ADAP1: variants seen among roughly 807,000 people sequenced by gnomAD.
ADAP1 encodes the protein ArfGAP with dual PH domains 1, also known as arf-GAP with dual PH domain-containing protein 1.
A neutral mutation model predicts 54.9 loss-of-function variants in ADAP1; 31 were observed. That is an observed-to-expected ratio of 0.56 (90% CI 0.42 to 0.76). ADAP1 has a LOEUF of 0.76. Ranked by LOEUF, ADAP1 falls within the 30% of genes least tolerant of loss-of-function variation. ADAP1 has a pLI of 0.00. For synonymous variants in ADAP1, 313 were observed against 202.6 expected (o/e 1.55, Z -4.63); for missense variants, 535 against 512.4 (o/e 1.04, Z -0.42).
At chr7:900,436 C>T in intron 7 of ADAP1, 97 bp downstream of exon 7, 4 of 1,336,292 alleles carry the variant, frequency 3.0e-6, no homozygotes, top group Admixed American at 2.0e-5. Flanking sequence ...CACCCTAGGG[C>T]TCAACATCAT....
rs142999551 is a variant in ADAP1, at chr7:898,843, G to A, written c.*78C>T. On this transcript the variant is annotated 3_prime_UTR_variant, in exon 11 of 11. Transcript: ENST00000265846. ...AGGTGGGGCCAGGTGGCCTCAGGACGCCAGAGCCCCCCCATCCACGGGTCC... is the reference window on the plus strand; with the variant it reads ...AGGTGGGGCCAGGTGGCCTCAGGACACCAGAGCCCCCCCATCCACGGGTCC... 178 of 1,540,908 alleles carry A rather than the reference G, an allele frequency of 1.2e-4. 1 individual carries two copies. The highest frequency in any genetic ancestry group is 5.0e-4 in the Middle Eastern group (3 of 5,978).
At chr7:932,315 C>T (rs1284826221) in intron 2 of ADAP1, among the ~76,000 whole-genome samples, 1 of 152,214 alleles carries the variant, frequency 6.6e-6, no homozygotes, top group African/African-American at 2.4e-5. Flanking sequence ...CAGATCAGGA[C>T]AGCACCAAGT....
At chr7:936,443 C>T (rs1267295936) in intron 1 of ADAP1, among the ~76,000 whole-genome samples, 5 of 152,208 alleles carry the variant, frequency 3.3e-5, no homozygotes, top group African/African-American at 1.2e-4. Flanking sequence ...TCCACCTGCT[C>T]GGCCTCCCAA....
chr7:901,906 G>A (rs929606612), intron 6 of ADAP1, among the ~76,000 whole-genome samples: 4 of 152,058 alleles, frequency 2.6e-5, no homozygotes, highest in African/African-American at 7.2e-5. Context: ...AATGCAGGGG[G>A]CTCTAAGCAG....
At position 926,663 on chromosome 7, in the gene ADAP1, C is replaced by T. The variant is rs374067245; in HGVS notation, c.214-19G>A. 3.4e-4 allele frequency: 527 copies of T among 1,533,780 alleles called. 6 individuals are homozygous for T. The South Asian group carries it at 4.4e-3, about 13-fold the overall frequency. On this transcript the variant is annotated intron_variant, in intron 2 of 10. Coordinates refer to ENST00000265846, the MANE Select transcript of ADAP1 (RefSeq NM_006869.4). This position sits in a 1 kb window ranked among gnomAD's most constrained non-coding sequence, Gnocchi z 4.6. ...CCATGAACTGCAAGAGAGGAGGGGC[C>T]GGGTCAGAGGCCTGGGGTCCCAGGG...
Position 926,516 on chromosome 7 carries a change from C to G in ADAP1, c.305+37G>C, listed in dbSNP as rs547878924. 6.7e-7 allele frequency: 1 copy of G among 1,500,418 alleles called. No individual in the cohort carries two copies. Among genetic ancestry groups the G allele is most frequent in the South Asian group, 1.3e-5 (1 of 79,368 alleles). The allele number at this position is 1,500,418 out of a possible 1,614,324, so 92.9% of individuals were successfully genotyped here. A position where few individuals can be genotyped will look rare whatever the true frequency, so the allele number is the denominator to read the frequency against. On this transcript the variant is annotated intron_variant, in intron 3 of 10. Coordinates refer to ENST00000265846, the MANE Select transcript of ADAP1 (RefSeq NM_006869.4). The surrounding 1 kb of genome is among the most constrained non-coding windows in gnomAD (Gnocchi z 4.6). ...GGGGCCATCTCGGAGCCACCCAGCA[C>G]TTGACCATGGCCCTGACAAGGCCCC...
At chr7:937,063 TCATGCCCGG>T (rs1846783412) in intron 1 of ADAP1, among the ~76,000 whole-genome samples, 1 of 151,006 alleles carries the variant, frequency 6.6e-6, no homozygotes, top group Non-Finnish European at 1.5e-5. Context: ...GATTTGGGGG[TCATGCCCGG>T]CCTCTGGGAT....
At chr7:940,291 T>C (rs1209327536) in intron 1 of ADAP1, among the ~76,000 whole-genome samples, 8 of 149,642 alleles carry the variant, frequency 5.3e-5, no homozygotes, top group Admixed American at 4.7e-4. Context: ...TGAGCCGAGA[T>C]GGCACGACTA....
In ADAP1 at chr7:905,371, G is replaced by GAGAAAGGA. The variant is rs376551972; in HGVS notation, c.389-200_389-199insTCCTTTCT. 2.8e-3 allele frequency: 172 copies of GAGAAAGGA among 60,640 alleles called. 32 individuals carry two copies. The highest frequency in any genetic ancestry group is 6.7e-3 in the Admixed American group (21 of 3,150). 3.8% of individuals were successfully genotyped at this position (60,640 alleles called of 1,614,324 possible). ...GGAAGATGGGCAGGGAAAGGGAAAG[G>GAGAAAGGA]GAAAGGAGAAAGGAGAAAGGAGAAA... On this transcript the variant is annotated intron_variant, in intron 4 of 10. Transcript: ENST00000265846.
intron 4 of ADAP1, chr7:905,697 G>C (rs1845200878): frequency 3.7e-5 from 2 of 54,044 alleles, no homozygotes; most frequent in African/African-American, 7.0e-5. Context: ...GGAGAAAGGA[G>C]AAAGGAGAAA....
chr7:905,476 GGAAAGGA>G lies in ADAP1; in HGVS notation c.389-311_389-305del, dbSNP rs1562912013. ...GAAAGGGAAAGGAGAAAGGAGAAAG[GGAAAGGA>G]GAAAGGAGAAGGGAGAAGGGAGAAG... On this transcript the variant is annotated intron_variant, in intron 4 of 10. Transcript: ENST00000265846. 15 of 54,960 alleles carry G rather than the reference GGAAAGGA, an allele frequency of 2.7e-4. 4 individuals are homozygous for G. In the East Asian group the frequency reaches 2.9e-3, roughly 10 times the overall value. The allele number at this position is 54,960 out of a possible 1,614,324, so 3.4% of individuals were successfully genotyped here. A position where few individuals can be genotyped will look rare whatever the true frequency, so the allele number is the denominator to read the frequency against.
chr7:935,156 C>T (rs1308453906), intron 2 of ADAP1: 1 of 702,322 alleles, frequency 1.4e-6, no homozygotes, highest in East Asian at 3.0e-5. Context: ...CCTGGAGCTG[C>T]TCACAGAGAG....
intron 6 of ADAP1, among the ~76,000 whole-genome samples, chr7:902,853 T>C (rs551316675): frequency 6.6e-6 from 1 of 152,318 alleles, no homozygotes; most frequent in East Asian, 1.9e-4. Flanking sequence ...GAGGAATCCG[T>C]GGTGCAAAGC....
At chr7:899,296 G>T in intron 9 of ADAP1, 35 bp from the exon 10 acceptor site, 1 of 1,609,574 alleles carries the variant, frequency 6.2e-7, no homozygotes, top group Non-Finnish European at 8.5e-7. Context: ...GCGGGGCCAT[G>T]TCCCTTCCAG....
At chr7:905,537 G>C (rs1583129324) in intron 4 of ADAP1, 1 of 49,892 alleles carries the variant, frequency 2.0e-5, no homozygotes, top group Non-Finnish European at 4.1e-5. Context: ...AAGGGAGAAG[G>C]GAGAAGGGAG....
chr7:922,528 C>T (rs982865248), intron 3 of ADAP1, among the ~76,000 whole-genome samples: 2 of 152,172 alleles, frequency 1.3e-5, no homozygotes, highest in African/African-American at 4.8e-5. Flanking sequence ...CAGGACGGGT[C>T]CAGTGGCCAC....
chr7:914,299 C>T (rs796618459), intron 4 of ADAP1, among the ~76,000 whole-genome samples: 18 of 152,348 alleles, frequency 1.2e-4, no homozygotes, highest in African/African-American at 2.6e-4. Context: ...CCCTTCCTCC[C>T]GGGCCCTGCC....
intron 4 of ADAP1, among the ~76,000 whole-genome samples, chr7:907,814 T>C (rs1845536539): frequency 6.6e-6 from 1 of 152,124 alleles, no homozygotes; most frequent in Non-Finnish European, 1.5e-5. Flanking sequence ...GAGCAGGTCC[T>C]CAGTGGGTGC....
intron 4 of ADAP1, among the ~76,000 whole-genome samples, chr7:908,245 C>T (rs1327002770): frequency 1.3e-5 from 2 of 152,212 alleles, no homozygotes; most frequent in Non-Finnish European, 2.9e-5. Context: ...CAGCCCTGAC[C>T]ACCAAAGCCC....
Sources: gnomAD v4.1 joint callset for allele counts (sites outside exome capture counted in the v4.1 genomes callset) on GRCh38, gnomAD v4.1.1 for gene constraint, Gnocchi (gnomAD v3.1) non-coding constraint, MANE v1.5 for transcripts, NCBI Gene and HGNC (gene_info 2026-07-23, HGNC 2026-07-21) for gene names.